Variants in NLGN1 observed in about 807,000 individuals in gnomAD.
The protein encoded by NLGN1 is neuroligin 1.
A neutral mutation model predicts 65.5 loss-of-function variants in NLGN1; 12 were observed. The ratio of observed to expected loss-of-function variants is 0.18; its 90% CI spans 0.12 to 0.30. The LOEUF (loss-of-function observed/expected upper bound fraction) is 0.30, where lower values mean the gene tolerates loss of function less well. NLGN1 is among the 10% of genes least tolerant of loss of function. The pLI is 1.00. For missense variants in NLGN1, 750 were observed against 1,007.1 expected, an observed-to-expected ratio of 0.74 and a Z score of 3.46; for synonymous variants, 350 against 359.5, an observed-to-expected ratio of 0.97 and a Z score of 0.30.
rs1352741723 is a variant in NLGN1 at position 174,283,691 on chromosome 3, A to G, written c.*2388A>G. ...CAATTATTATCTATCAAAGAAATGT[A>G]GGTATTCCTCCATAATTAAAAAAAA... is the stretch of plus-strand genomic sequence containing the variant. On this transcript the variant is annotated 3_prime_UTR_variant, in exon 7 of 7. Coordinates refer to ENST00000457714, the Ensembl canonical transcript of NLGN1. 2.0e-5 allele frequency: 3 copies of G among 151,544 alleles called. No homozygotes were observed. In the East Asian group the frequency reaches 5.8e-4, roughly 30 times the overall value. The allele number at this position is 151,544 out of a possible 1,614,324, so 9.4% of individuals were successfully genotyped here.
intron 4 of NLGN1, among the ~76,000 whole-genome samples, chr3:174,174,558 GC>G (rs1561218244): frequency 6.6e-6 from 1 of 151,808 alleles, no homozygotes; most frequent in Non-Finnish European, 1.5e-5. Flanking sequence ...GTTTTGATTC[GC>G]ATTTCCCTGA....
chr3:174,160,103 T>C (rs1028611062), intron 4 of NLGN1, among the ~76,000 whole-genome samples: 4 of 150,726 alleles, frequency 2.7e-5, no homozygotes, highest in African/African-American at 4.9e-5. Flanking sequence ...CACAAACACA[T>C]ACACACACAC....
At chr3:173,804,034 G>C (rs1022934464) in intron 3 of NLGN1, among the ~76,000 whole-genome samples, 1 of 152,062 alleles carries the variant, frequency 6.6e-6, no homozygotes, top group Non-Finnish European at 1.5e-5. Flanking sequence ...TGGTTGTCAG[G>C]TACAAATAAA....
chr3:173,697,830 G>A (rs967721640), intron 3 of NLGN1, among the ~76,000 whole-genome samples: 3 of 152,050 alleles, frequency 2.0e-5, no homozygotes, highest in Admixed American at 1.3e-4. Context: ...GCATCTGGCC[G>A]AGAGAAAGAT....
At chr3:173,402,495 C>T (rs553336326) in intron 1 of NLGN1, among the ~76,000 whole-genome samples, 2 of 152,230 alleles carry the variant, frequency 1.3e-5, no homozygotes, top group South Asian at 2.1e-4. Context: ...AAGGCTTTAA[C>T]AAAAAGTACA....
rs141344754 is a variant in NLGN1, at chr3:174,275,331, C to T, written c.663C>T (p.Gly221=). Residue 221 remains glycine, a synonymous_variant, in exon 5 of 7, where the codon GGC becomes GGT. Coordinates refer to ENST00000457714, the Ensembl canonical transcript of NLGN1. ...ATTTTTCAGGTTTCTTGAGTACAGG[C>T]GATCAGGCTGCAAAGGGGAACTATG... is the stretch of plus-strand genomic sequence containing the variant. 192 of 1,611,742 alleles carry T rather than the reference C, an allele frequency of 1.2e-4. No individual in the cohort carries two copies. In the African/African-American group the frequency reaches 2.0e-3, roughly 17 times the overall value.
intron 4 of NLGN1, among the ~76,000 whole-genome samples, chr3:174,204,552 T>A (rs985088578): frequency 4.6e-5 from 7 of 152,164 alleles, no homozygotes; most frequent in African/African-American, 1.7e-4. Context: ...AACATAGGGT[T>A]GGGGTTTTTT....
intron 3 of NLGN1, among the ~76,000 whole-genome samples, chr3:173,731,023 T>C (rs1466671870): frequency 6.6e-6 from 1 of 152,110 alleles, no homozygotes; most frequent in Non-Finnish European, 1.5e-5. Flanking sequence ...GGGGCTATTC[T>C]GTCTCTTGGA....
At chr3:174,271,499 C>A (rs1399471100) in intron 4 of NLGN1, among the ~76,000 whole-genome samples, 1 of 151,776 alleles carries the variant, frequency 6.6e-6, no homozygotes, top group African/African-American at 2.4e-5. Flanking sequence ...CAAGCCCATA[C>A]CTTGATCACA....
intron 3 of NLGN1, among the ~76,000 whole-genome samples, chr3:173,652,531 C>T (rs753275198): frequency 1.1e-4 from 17 of 152,000 alleles, no homozygotes; most frequent in Non-Finnish European, 2.1e-4. Flanking sequence ...CCCTGGTGTA[C>T]GTTTTTGTCA....
chr3:173,794,894 A>G (rs1462333145), intron 3 of NLGN1, among the ~76,000 whole-genome samples: 2 of 152,138 alleles, frequency 1.3e-5, no homozygotes, highest in African/African-American at 4.8e-5. Flanking sequence ...ATAAATACAA[A>G]TGAGCTCTTC....
chr3:173,990,981 A>G (rs943686407), intron 4 of NLGN1, among the ~76,000 whole-genome samples: 2 of 152,166 alleles, frequency 1.3e-5, no homozygotes, highest in African/African-American at 4.8e-5. Context: ...ACCCCCATAC[A>G]TGCAGAGCTT....
intron 3 of NLGN1, among the ~76,000 whole-genome samples, chr3:173,713,529 C>A (rs1769341331): frequency 6.6e-6 from 1 of 151,904 alleles, no homozygotes; most frequent in Non-Finnish European, 1.5e-5. Flanking sequence ...AATTGCTATT[C>A]TTTTGAAAAT....
At chr3:173,884,173 AAGG>A (rs1733898517) in intron 4 of NLGN1, among the ~76,000 whole-genome samples, 1 of 152,088 alleles carries the variant, frequency 6.6e-6, no homozygotes, top group Non-Finnish European at 1.5e-5. Context: ...TTGTCTTTGA[AAGG>A]AGTTCTCTGC....
chr3:174,085,986 G>C (rs566859781), intron 4 of NLGN1, among the ~76,000 whole-genome samples: 5 of 152,028 alleles, frequency 3.3e-5, no homozygotes, highest in Admixed American at 6.5e-5. Context: ...CAATGGATTT[G>C]TAATGAAATT....
intron 3 of NLGN1, among the ~76,000 whole-genome samples, chr3:173,773,032 C>T (rs1044736458): frequency 4.6e-5 from 7 of 152,162 alleles, no homozygotes; most frequent in Admixed American, 2.0e-4. Context: ...ATTCCATATC[C>T]ATCTTTCCAG....
At chr3:174,110,618 A>G (rs1490420645) in intron 4 of NLGN1, among the ~76,000 whole-genome samples, 1 of 151,996 alleles carries the variant, frequency 6.6e-6, no homozygotes, top group African/African-American at 2.4e-5. Flanking sequence ...TGGGTACTTA[A>G]AAATATTCCA....
chr3:173,416,850 A>G (rs1713899942), intron 1 of NLGN1, among the ~76,000 whole-genome samples: 1 of 152,142 alleles, frequency 6.6e-6, no homozygotes, highest in Non-Finnish European at 1.5e-5. Context: ...GTATTTTGAG[A>G]GACATATAAA....
chr3:173,797,205 T>C (rs375552955), intron 3 of NLGN1, among the ~76,000 whole-genome samples: 15 of 152,294 alleles, frequency 9.8e-5, no homozygotes, highest in African/African-American at 3.1e-4. Context: ...CTGAACTCTG[T>C]AGATATTTAT....
Sources: gnomAD v4.1 joint callset for allele counts (sites outside exome capture counted in the v4.1 genomes callset) on GRCh38, gnomAD v4.1.1 for gene constraint, MANE v1.5 for transcripts, NCBI Gene and HGNC (gene_info 2026-07-23, HGNC 2026-07-21) for gene names.